GABRG2: variants seen among roughly 807,000 people sequenced by gnomAD.
The protein encoded by GABRG2 is gamma-aminobutyric acid type A receptor subunit gamma2.
Under a neutral mutation model 56.4 loss-of-function variants are expected in GABRG2, and 16 were observed. The observed-to-expected ratio is 0.28, with a 90% CI of 0.19 to 0.43. The LOEUF (loss-of-function observed/expected upper bound fraction) is 0.43, where lower values mean the gene tolerates loss of function less well. Among genes scored for constraint, GABRG2 ranks in the 20% least tolerant of loss-of-function variants. The pLI, the probability that GABRG2 is intolerant of heterozygous loss-of-function variation, is 1.00. For synonymous variants in GABRG2, 208 were observed against 205.5 expected, an observed-to-expected ratio of 1.01 and a Z score of -0.10; for missense variants, 327 against 582.7, an observed-to-expected ratio of 0.56 and a Z score of 4.52.
intron 6 of GABRG2, among the ~76,000 whole-genome samples, chr5:162,129,710 T>C (rs1485265114): frequency 6.6e-6 from 1 of 151,856 alleles, no homozygotes; most frequent in Admixed American, 6.6e-5. Flanking sequence ...AAATAACAGG[T>C]TTTTTCTAAA....
At chr5:162,152,054 G>T in intron 9 of GABRG2, 1 of 313,868 alleles carries the variant, frequency 3.2e-6, no homozygotes, top group Non-Finnish European at 5.8e-6. Context: ...AAATGGGATT[G>T]AGTCTTACTG....
rs373649929 is a variant in GABRG2 at position 162,153,409 on chromosome 5, T to A, written c.*41T>A. The stretch of plus-strand genomic sequence containing the variant: ...ACTGATATGGTTCTTATTCACTGAG[T>A]CTCATGGAGAGATGTCTGTTCTAAG... On this transcript the variant is annotated 3_prime_UTR_variant, in exon 10 of 10. Transcript: ENST00000639213. 2 of 1,601,168 alleles carry A rather than the reference T, an allele frequency of 1.2e-6. No individual in the cohort carries two copies. Among genetic ancestry groups the A allele is most frequent in the Non-Finnish European group, 1.7e-6 (2 of 1,168,532 alleles).
intron 1 of GABRG2, among the ~76,000 whole-genome samples, chr5:162,092,241 A>G (rs933770370): frequency 2.0e-5 from 3 of 152,008 alleles, no homozygotes; most frequent in Non-Finnish European, 4.4e-5. Flanking sequence ...TGACAGAACC[A>G]TTGCCCAGCC....
At chr5:162,123,995 T>G (rs1469715745) in intron 6 of GABRG2, among the ~76,000 whole-genome samples, 1 of 151,908 alleles carries the variant, frequency 6.6e-6, no homozygotes, top group Non-Finnish European at 1.5e-5. Context: ...CAGCAATGAA[T>G]GATGAATCAA....
In GABRG2 at chr5:162,088,225, T is replaced by C. The variant is rs78662989; in HGVS notation, c.108-5603T>C. 8.0e-3 allele frequency among the ~76,000 whole-genome samples: 1,220 copies of C among 152,202 alleles called. 20 individuals are homozygous for C. The highest frequency in any genetic ancestry group is 0.028 in the African/African-American group (1,148 of 41,542). On this transcript the variant is annotated intron_variant, in intron 1 of 9. Transcript: ENST00000639213. ...AAGAGTAGCCAGTCCTCCTGGATAG[T>C]ACTGAGTGGAGTCCCCCTTCCCATG...
intron 6 of GABRG2, among the ~76,000 whole-genome samples, chr5:162,136,651 A>G (rs536025414): frequency 3.2e-4 from 48 of 152,348 alleles, no homozygotes; most frequent in African/African-American, 1.1e-3. Context: ...CAGAGGACAC[A>G]AATAGAATAA....
chr5:162,085,598 T>C (rs1036767553), intron 1 of GABRG2, among the ~76,000 whole-genome samples: 1 of 151,194 alleles, frequency 6.6e-6, no homozygotes, highest in Admixed American at 6.6e-5. Flanking sequence ...TATTTTGAGT[T>C]CAGTGATACA....
chr5:162,138,680 A>G (rs568767818), intron 6 of GABRG2, among the ~76,000 whole-genome samples: 17 of 152,316 alleles, frequency 1.1e-4, no homozygotes, highest in Non-Finnish European at 1.8e-4. Context: ...TTATTCAACT[A>G]TCTTTTAGTT....
rs575690705 is a variant in GABRG2, at chr5:162,144,041, C to T, written c.922+1725C>T. ...AAGTCCTTCTCAAAAATTAAAATAT[C>T]TTGTCTAATGCTACACGCTGAAACA... On this transcript the variant is annotated intron_variant, in intron 7 of 9. Coordinates refer to ENST00000639213, the MANE Select transcript of GABRG2 (RefSeq NM_198904.4). Among the ~76,000 whole-genome samples the T allele has an allele frequency of 2.6e-5, 4 of 152,280 alleles. No homozygotes were observed. In the South Asian group the frequency reaches 6.2e-4, roughly 24 times the overall value.
rs141009025 is a variant in GABRG2 at position 162,099,948 on chromosome 5, T to A, written c.549-1287T>A. ...TTCAATTTTAATAATTCCAGTTTAA[T>A]TTGGAGTAATAATACTAATAAAATA... On this transcript the variant is annotated intron_variant, in intron 4 of 9. Coordinates refer to ENST00000639213, the MANE Select transcript of GABRG2 (RefSeq NM_198904.4). The A allele has an allele frequency of 4.5e-3, 682 of 152,312 alleles. 6 individuals carry two copies. The highest frequency in any genetic ancestry group is 0.015 in the African/African-American group (642 of 41,584). The allele number at this position is 152,312 out of a possible 1,614,324, so 9.4% of individuals were successfully genotyped here.
At chr5:162,117,935 A>G (rs1302361237) in intron 6 of GABRG2, among the ~76,000 whole-genome samples, 2 of 152,164 alleles carry the variant, frequency 1.3e-5, no homozygotes, top group African/African-American at 2.4e-5. Context: ...TGAGCATTTC[A>G]CATATGAAAG....
intron 1 of GABRG2, among the ~76,000 whole-genome samples, chr5:162,091,652 G>A (rs1051225732): frequency 2.0e-5 from 3 of 151,972 alleles, no homozygotes; most frequent in Admixed American, 6.6e-5. Flanking sequence ...AAAAAAACTA[G>A]GTGATGACTC....
At chr5:162,075,685 C>T (rs776903004) in intron 1 of GABRG2, among the ~76,000 whole-genome samples, 58 of 151,810 alleles carry the variant, frequency 3.8e-4, no homozygotes, top group Non-Finnish European at 7.1e-4. Context: ...TATTCTTTTC[C>T]TAAAAAGGAA....
At chr5:162,103,765 G>T in intron 5 of GABRG2, 124 bp from the exon 6 acceptor site, 2 of 1,082,082 alleles carry the variant, frequency 1.8e-6, no homozygotes, top group South Asian at 2.7e-5. Flanking sequence ...TTTGGTCCAA[G>T]ATCCTCATTT....
chr5:162,149,653 G>C, intron 8 of GABRG2: 2 of 629,640 alleles, frequency 3.2e-6, no homozygotes, highest in Non-Finnish European at 6.0e-6. Context: ...TCACTCTGTT[G>C]CTCAGGCTGG....
In GABRG2 at chr5:162,153,161, G is replaced by A; in HGVS notation, c.1221G>A (p.Glu407=). Reference sequence around the variant, plus strand: ...TGAATAATGCTACACACCTTCAAGAGAGAGATGAAGAGTACGGCTATGAGT... The same window carrying A: ...TGAATAATGCTACACACCTTCAAGAAAGAGATGAAGAGTACGGCTATGAGT... ...IQMNNATHLQ[E]RDEEYGYECL... Residue 407 remains glutamate, a synonymous_variant, in exon 10 of 10, where the codon GAG becomes GAA. Transcript: ENST00000639213. 6.2e-7 allele frequency: 1 copy of A among 1,614,068 alleles called. No homozygotes were observed. Among genetic ancestry groups the A allele is most frequent in the Non-Finnish European group, 8.5e-7 (1 of 1,179,980 alleles).
intron 8 of GABRG2, 39 bp downstream of exon 8, chr5:162,149,352 T>C (rs772560027): frequency 6.3e-7 from 1 of 1,599,334 alleles, no homozygotes; most frequent in Non-Finnish European, 8.6e-7. Context: ...GAAATTTTTA[T>C]GATTTCGGTT....
intron 8 of GABRG2, 198 bp downstream of exon 8, chr5:162,149,511 T>C: frequency 1.3e-6 from 1 of 741,876 alleles, no homozygotes; most frequent in Non-Finnish European, 2.5e-6. Flanking sequence ...TTCTATTTTC[T>C]GTGTCAGAGT....
At chr5:162,141,519 A>G (rs1220559218) in intron 6 of GABRG2, among the ~76,000 whole-genome samples, 3 of 152,196 alleles carry the variant, frequency 2.0e-5, no homozygotes, top group East Asian at 3.9e-4. Flanking sequence ...TTAAATGGGA[A>G]CTGTTTGTAG....
Sources: allele counts gnomAD v4.1 joint callset (sites outside exome capture counted in the v4.1 genomes callset), GRCh38; gene constraint gnomAD v4.1.1; transcripts MANE v1.5; gene names NCBI Gene and HGNC (gene_info 2026-07-23, HGNC 2026-07-21).